Variants in TPH2 observed in about 807,000 individuals in gnomAD.
TPH2 encodes tryptophan 5-hydroxylase 2.
In TPH2, 27 loss-of-function variants were observed where a neutral mutation model predicts 59.1. The observed-to-expected ratio is 0.46, with a 90% CI of 0.34 to 0.63. The LOEUF is 0.63. Among genes scored for constraint, TPH2 ranks in the 30% least tolerant of loss-of-function variants. The pLI is 0.01. For synonymous variants in TPH2, 220 were observed against 210.5 expected (o/e 1.05, Z -0.39); for missense variants, 523 against 588.3 (o/e 0.89, Z 1.15).
At chr12:72,022,893 A>G (rs1873461965) in intron 9 of TPH2, among the ~76,000 whole-genome samples, 1 of 151,942 alleles carries the variant, frequency 6.6e-6, no homozygotes, top group Non-Finnish European at 1.5e-5. Flanking sequence ...GCTCCTTTGG[A>G]CTCCCCAGCA....
chr12:71,958,564 C>T (rs539037194), intron 5 of TPH2, among the ~76,000 whole-genome samples: 2 of 152,194 alleles, frequency 1.3e-5, no homozygotes, highest in Non-Finnish European at 2.9e-5. Context: ...ACCTGTTTCT[C>T]GCAGGTTGTT....
chr12:71,993,131 G>A (rs1006436682), intron 7 of TPH2, among the ~76,000 whole-genome samples: 1 of 152,166 alleles, frequency 6.6e-6, no homozygotes. Context: ...CCAAGATTGG[G>A]GATACGGTTT....
At chr12:72,023,824 A>AAAAAAAAAAAAAGAAAAAAAAAAAAAAAG (rs61018452) in intron 9 of TPH2, among the ~76,000 whole-genome samples, 1 of 126,742 alleles carries the variant, frequency 7.9e-6, no homozygotes, top group Admixed American at 8.8e-5. Context: ...TCTGACAGAA[A>AAAAAAAAAAAAAGAAAAAAAAAAAAAAAG]AAAAAAAAAA....
intron 8 of TPH2, among the ~76,000 whole-genome samples, chr12:71,996,490 A>G (rs767268268): frequency 6.6e-6 from 1 of 152,220 alleles, no homozygotes; most frequent in Non-Finnish European, 1.5e-5. Context: ...CTGGTTTTAA[A>G]TGCCTTGTTT....
intron 9 of TPH2, among the ~76,000 whole-genome samples, chr12:72,024,012 A>G (rs913193003): frequency 6.6e-6 from 1 of 152,160 alleles, no homozygotes; most frequent in Non-Finnish European, 1.5e-5. Flanking sequence ...CACACAGTTA[A>G]TAAGTGTTGA....
chr12:72,004,744 T>C (rs965622286), intron 8 of TPH2, among the ~76,000 whole-genome samples: 3 of 152,202 alleles, frequency 2.0e-5, no homozygotes, highest in Non-Finnish European at 4.4e-5. Flanking sequence ...TGGTTGGGAC[T>C]TTTTTATGAG....
At chr12:71,944,145 C>T (rs997931920) in intron 2 of TPH2, 149 bp from the exon 3 acceptor site, 5 of 770,882 alleles carry the variant, frequency 6.5e-6, no homozygotes, top group South Asian at 5.1e-5. Context: ...TGGTTGGAAA[C>T]ATTTCCAAGT....
intron 5 of TPH2, among the ~76,000 whole-genome samples, chr12:71,966,729 C>A (rs1055025032): frequency 1.3e-5 from 2 of 152,164 alleles, no homozygotes; most frequent in African/African-American, 4.8e-5. Context: ...TCAAAGAACA[C>A]AATTGGTGTT....
intron 8 of TPH2, among the ~76,000 whole-genome samples, chr12:72,012,502 C>T (rs770540669): frequency 1.4e-4 from 21 of 152,154 alleles, no homozygotes; most frequent in African/African-American, 2.9e-4. Context: ...GGGAGGAAGA[C>T]GGTGGAGCAA....
intron 8 of TPH2, among the ~76,000 whole-genome samples, chr12:71,999,942 T>C (rs1872780625): frequency 6.6e-6 from 1 of 152,208 alleles, no homozygotes; most frequent in Non-Finnish European, 1.5e-5. Context: ...CACAATATTT[T>C]TCCTAAGAAA....
intron 5 of TPH2, chr12:71,964,729 A>T (rs1342073635): frequency 1.0e-6 from 1 of 985,262 alleles, no homozygotes; most frequent in Admixed American, 6.1e-5. Flanking sequence ...CAGTTGTGAG[A>T]CATGCAACAA....
At chr12:72,029,490 G>A (rs7315855) in intron 9 of TPH2, among the ~76,000 whole-genome samples, 19,546 of 152,114 alleles carry the variant, frequency 0.13, 2,228 homozygotes, top group African/African-American at 0.3. Context: ...TTTGCAGAGG[G>A]GCAACAACTT....
intron 8 of TPH2, among the ~76,000 whole-genome samples, chr12:72,006,259 A>C (rs370458412): frequency 1.3e-5 from 2 of 152,202 alleles, no homozygotes; most frequent in East Asian, 3.9e-4. Flanking sequence ...ATGGTAAGGA[A>C]GACTTTATGC....
intron 8 of TPH2, among the ~76,000 whole-genome samples, chr12:72,012,127 G>T (rs935272372): frequency 2.6e-5 from 4 of 151,918 alleles, no homozygotes; most frequent in African/African-American, 9.7e-5. Context: ...TTAACTATTT[G>T]CTGAGTACCT....
chr12:72,008,366 T>C (rs1873010503), intron 8 of TPH2, among the ~76,000 whole-genome samples: 1 of 152,206 alleles, frequency 6.6e-6, no homozygotes, highest in Non-Finnish European at 1.5e-5. Context: ...AATCAGAATG[T>C]AATTTCTTTG....
intron 5 of TPH2, among the ~76,000 whole-genome samples, chr12:71,952,318 G>A (rs1206875459): frequency 6.6e-6 from 1 of 152,112 alleles, no homozygotes; most frequent in Non-Finnish European, 1.5e-5. Flanking sequence ...CACAAAAGAG[G>A]GCTGGATGGA....
intron 8 of TPH2, among the ~76,000 whole-genome samples, chr12:72,009,364 T>G (rs73344873): frequency 0.053 from 7,996 of 152,254 alleles, 357 homozygotes; most frequent in East Asian, 0.17. Context: ...CTAGAAATAT[T>G]TCAAGTCATC....
intron 5 of TPH2, among the ~76,000 whole-genome samples, chr12:71,960,527 G>A (rs754036389): frequency 3.3e-5 from 5 of 152,220 alleles, no homozygotes; most frequent in African/African-American, 4.8e-5. Context: ...GTGGCTGAAA[G>A]GAAGGGAGCC....
intron 7 of TPH2, among the ~76,000 whole-genome samples, chr12:71,990,987 A>AT (rs1426500429): frequency 2.0e-5 from 3 of 152,086 alleles, no homozygotes; most frequent in Non-Finnish European, 4.4e-5. Context: ...GTATTGTATG[A>AT]TTTTTTTCTT....
Sources: allele counts gnomAD v4.1 joint callset (sites outside exome capture counted in the v4.1 genomes callset), GRCh38; gene constraint gnomAD v4.1.1; transcripts MANE v1.5; gene names NCBI Gene and HGNC (gene_info 2026-07-23, HGNC 2026-07-21).